The following RORA variants were observed in gnomAD, a reference collection of about 807,000 sequenced individuals.
The protein encoded by RORA is RAR related orphan receptor A, also known as nuclear receptor ROR-alpha.
In RORA, 7 loss-of-function variants were observed where a neutral mutation model predicts 69.5. That is an observed-to-expected ratio of 0.10 (90% confidence interval 0.06 to 0.19). The LOEUF (loss-of-function observed/expected upper bound fraction) is 0.19, where lower values mean the gene tolerates loss of function less well. Among genes scored for constraint, RORA ranks in the 10% least tolerant of loss-of-function variants. The probability of loss-of-function intolerance (pLI) is 1.00; values close to 1 mark genes in which losing one functional copy is unlikely to be tolerated. For missense variants in RORA, 457 were observed against 663.0 expected (o/e 0.69, Z 3.41); for synonymous variants, 261 against 240.8 (o/e 1.08, Z -0.78).
intron 2 of RORA, among the ~76,000 whole-genome samples, chr15:60,655,833 C>A (rs1194618982): frequency 1.3e-5 from 2 of 152,170 alleles, no homozygotes; most frequent in Non-Finnish European, 2.9e-5. Flanking sequence ...ACGTACCTCA[C>A]CTTTTCTGAG....
Position 60,898,281 on chromosome 15 carries a change from G to C in RORA, c.167-219595C>G, listed in dbSNP as rs533789854. ...AGGGTCAGGATGGTCTTTAGGCTTTGGAGGCCTTCTCTTTACTGGAGGCAC... is the reference window on the plus strand; with the variant it reads ...AGGGTCAGGATGGTCTTTAGGCTTTCGAGGCCTTCTCTTTACTGGAGGCAC... On this transcript the variant is annotated intron_variant, in intron 1 of 10. Coordinates refer to ENST00000335670, the MANE Select transcript of RORA (RefSeq NM_134261.3). Among the ~76,000 whole-genome samples, 3 of 152,260 alleles carry C rather than the reference G, an allele frequency of 2.0e-5. No individual in the cohort carries two copies. The South Asian group carries it at 6.2e-4, about 32-fold the overall frequency.
rs565512756 is a variant in RORA, at chr15:60,607,956, C to T, written c.196+70701G>A. Among the ~76,000 whole-genome samples, 8 of 152,300 alleles carry T rather than the reference C, an allele frequency of 5.3e-5. No individual in the cohort carries two copies. In the South Asian group the frequency reaches 1.5e-3, roughly 28 times the overall value. ...CTTTATCCATGCACACACATGATAC[C>T]GATACCTTTTTCTTGGCTGCAACGA... On this transcript the variant is annotated intron_variant, in intron 2 of 10. Transcript: ENST00000335670.
chr15:60,571,216 A>T (rs2067871217), intron 2 of RORA, among the ~76,000 whole-genome samples: 1 of 152,082 alleles, frequency 6.6e-6, no homozygotes, highest in Non-Finnish European at 1.5e-5. Context: ...GCAAACAACA[A>T]GGATACATTT....
At chr15:60,884,255 G>A (rs1395742738) in intron 1 of RORA, among the ~76,000 whole-genome samples, 2 of 152,242 alleles carry the variant, frequency 1.3e-5, no homozygotes, top group South Asian at 2.1e-4. Context: ...ACAGACATGA[G>A]AGGCTAGCTT....
At chr15:60,662,614 A>G (rs965486072) in intron 2 of RORA, among the ~76,000 whole-genome samples, 1 of 150,036 alleles carries the variant, frequency 6.7e-6, no homozygotes, top group African/African-American at 2.5e-5. Context: ...CAGGACCAGA[A>G]ATCCTAACGA....
intron 1 of RORA, among the ~76,000 whole-genome samples, chr15:60,934,025 C>G (rs1325870994): frequency 6.6e-6 from 1 of 152,254 alleles, no homozygotes; most frequent in African/African-American, 2.4e-5. Flanking sequence ...ACCTACTTAG[C>G]ATAGCCCCAG....
intron 1 of RORA, among the ~76,000 whole-genome samples, chr15:61,091,102 C>T (rs1419786938): frequency 6.6e-6 from 1 of 152,198 alleles, no homozygotes; most frequent in Non-Finnish European, 1.5e-5. Context: ...ATCTAACTAT[C>T]TCACTCATTA....
intron 2 of RORA, among the ~76,000 whole-genome samples, chr15:60,632,130 G>A (rs1188324210): frequency 1.3e-5 from 2 of 149,482 alleles, no homozygotes; most frequent in African/African-American, 4.9e-5. Flanking sequence ...TTTTTTAGAC[G>A]GAGTCTCACT....
chr15:61,132,171 T>C (rs954743498), intron 1 of RORA, among the ~76,000 whole-genome samples: 1 of 152,258 alleles, frequency 6.6e-6, no homozygotes, highest in Non-Finnish European at 1.5e-5. Flanking sequence ...TCTAGGGGTT[T>C]ACAGAAACAG....
At chr15:61,170,087 C>G (rs1381897234) in intron 1 of RORA, among the ~76,000 whole-genome samples, 1 of 152,150 alleles carries the variant, frequency 6.6e-6, no homozygotes, top group Non-Finnish European at 1.5e-5. Context: ...CTTGCTGATC[C>G]CCAGTTTCCT....
intron 1 of RORA, among the ~76,000 whole-genome samples, chr15:60,957,277 T>A (rs894344688): frequency 6.6e-6 from 1 of 152,224 alleles, no homozygotes; most frequent in African/African-American, 2.4e-5. Flanking sequence ...AAAATGTGAA[T>A]TCAGCCCACA....
chr15:61,136,408 A>G (rs576730674), intron 1 of RORA, among the ~76,000 whole-genome samples: 54 of 152,354 alleles, frequency 3.5e-4, no homozygotes, highest in African/African-American at 1.3e-3. Flanking sequence ...ACAAATTTGT[A>G]GCCAGTATCA....
At chr15:61,003,894 G>A (rs183090874) in intron 1 of RORA, among the ~76,000 whole-genome samples, 1 of 152,226 alleles carries the variant, frequency 6.6e-6, no homozygotes, top group East Asian at 1.9e-4. Context: ...CAGGGAGAAC[G>A]AGTAGGGAAA....
At chr15:60,548,868 G>A (rs527478766) in intron 2 of RORA, among the ~76,000 whole-genome samples, 45 of 152,130 alleles carry the variant, frequency 3.0e-4, no homozygotes, top group African/African-American at 5.1e-4. Context: ...CTCATGATCC[G>A]CCCGCCTTGG....
chr15:61,056,260 C>A (rs2078095121), intron 1 of RORA, among the ~76,000 whole-genome samples: 1 of 152,182 alleles, frequency 6.6e-6, no homozygotes, highest in African/African-American at 2.4e-5. Context: ...TTTAGCACTA[C>A]CCTAAATCCT....
chr15:60,935,319 G>C (rs572257696), intron 1 of RORA, among the ~76,000 whole-genome samples: 40 of 152,286 alleles, frequency 2.6e-4, no homozygotes, highest in South Asian at 1.7e-3. Flanking sequence ...CTTCACAAAG[G>C]GTTGTTTAAT....
chr15:61,161,935 T>C (rs1204040088), intron 1 of RORA, among the ~76,000 whole-genome samples: 2 of 152,226 alleles, frequency 1.3e-5, no homozygotes, highest in African/African-American at 4.8e-5. Flanking sequence ...AAAATCACGT[T>C]TTTGAGCCAT....
intron 1 of RORA, among the ~76,000 whole-genome samples, chr15:61,158,181 C>T (rs2079462371): frequency 6.6e-6 from 1 of 152,186 alleles, no homozygotes; most frequent in South Asian, 2.1e-4. Flanking sequence ...TGAGCAATTC[C>T]ATCCTGACAG....
intron 1 of RORA, among the ~76,000 whole-genome samples, chr15:60,904,910 A>G (rs886717584): frequency 1.3e-5 from 2 of 152,134 alleles, no homozygotes; most frequent in Non-Finnish European, 2.9e-5. Flanking sequence ...TCAGAATAGC[A>G]GGCAGCATCC....
Sources: gnomAD v4.1 joint callset for allele counts (sites outside exome capture counted in the v4.1 genomes callset) on GRCh38, gnomAD v4.1.1 for gene constraint, MANE v1.5 for transcripts, NCBI Gene and HGNC (gene_info 2026-07-23, HGNC 2026-07-21) for gene names.